Variants in DNAJC13 observed in about 807,000 individuals in gnomAD.
DNAJC13 encodes DnaJ heat shock protein family (Hsp40) member C13.
DNAJC13 carries 75 observed loss-of-function variants against 290.5 expected under a neutral mutation model. The ratio of observed to expected loss-of-function variants is 0.26; its 90% CI spans 0.21 to 0.31. The LOEUF (loss-of-function observed/expected upper bound fraction) is 0.31, where lower values mean the gene tolerates loss of function less well. Among genes scored for constraint, DNAJC13 ranks in the 10% least tolerant of loss-of-function variants. The probability of loss-of-function intolerance (pLI) is 1.00; values close to 1 mark genes in which losing one functional copy is unlikely to be tolerated. For missense variants in DNAJC13, 2,260 were observed against 2,674.5 expected (o/e 0.85, Z 3.42); for synonymous variants, 862 against 892.0 (o/e 0.97, Z 0.60).
chr3:132,422,893 A>G lies in DNAJC13; in HGVS notation c.-14+5133A>G, dbSNP rs114034783. Among the ~76,000 whole-genome samples, 694 of 152,360 alleles carry G rather than the reference A, an allele frequency of 4.6e-3. 3 individuals are homozygous for G. Among genetic ancestry groups the G allele is most frequent in the Admixed American group, 7.1e-3 (108 of 15,310 alleles). On this transcript the variant is annotated intron_variant, in intron 1 of 55. Coordinates refer to ENST00000260818, the MANE Select transcript of DNAJC13 (RefSeq NM_015268.4). ...GTTTAAGCACTCAAGTTGCCCTTAGAAGAACACTGCCTAGTCACATATTTA... is the reference window on the plus strand; with the variant it reads ...GTTTAAGCACTCAAGTTGCCCTTAGGAGAACACTGCCTAGTCACATATTTA...
At chr3:132,536,928 CTG>C (rs1263905646) in intron 55 of DNAJC13, among the ~76,000 whole-genome samples, 95 of 152,292 alleles carry the variant, frequency 6.2e-4, no homozygotes, top group Non-Finnish European at 1.3e-3. Context: ...CCTGGGCACT[CTG>C]GTTGGCTTCA....
chr3:132,530,856 T>A, intron 54 of DNAJC13, 142 bp from the exon 55 acceptor site: 2 of 646,082 alleles, frequency 3.1e-6, no homozygotes, highest in South Asian at 1.9e-5. Flanking sequence ...ATGGAGTGTT[T>A]GATGAATGCT....
At chr3:132,510,945 T>C in intron 43 of DNAJC13, 122 bp from the exon 44 acceptor site, 1 of 1,066,774 alleles carries the variant, frequency 9.4e-7, no homozygotes, top group Non-Finnish European at 1.4e-6. Context: ...CATAGGTGTA[T>C]TCATGTGTAT....
At chr3:132,487,613 T>C (rs560979227) in intron 29 of DNAJC13, among the ~76,000 whole-genome samples, 24 of 149,268 alleles carry the variant, frequency 1.6e-4, no homozygotes, top group Middle Eastern at 6.8e-3. Flanking sequence ...TGAGGATTCA[T>C]TGGAAGCAAG....
At chr3:132,493,975 A>G (rs1020013627) in intron 33 of DNAJC13, among the ~76,000 whole-genome samples, 169 bp from the exon 34 acceptor site, 1 of 152,206 alleles carries the variant, frequency 6.6e-6, no homozygotes, top group Non-Finnish European at 1.5e-5. Flanking sequence ...GCTCTGCCCA[A>G]CTATACAGCA....
chr3:132,462,085 G>T (rs1227777838), intron 15 of DNAJC13, among the ~76,000 whole-genome samples: 1 of 152,078 alleles, frequency 6.6e-6, no homozygotes, highest in African/African-American at 2.4e-5. Context: ...AGCTTTAGCA[G>T]GGCTCTTCAT....
intron 1 of DNAJC13, among the ~76,000 whole-genome samples, chr3:132,425,209 C>G (rs941410517): frequency 1.3e-5 from 2 of 152,104 alleles, no homozygotes; most frequent in African/African-American, 4.8e-5. Flanking sequence ...CCATGGTTCT[C>G]CTTACTACCC....
At chr3:132,419,668 T>G (rs987334314) in intron 1 of DNAJC13, among the ~76,000 whole-genome samples, 1 of 152,238 alleles carries the variant, frequency 6.6e-6, no homozygotes, top group Non-Finnish European at 1.5e-5. Flanking sequence ...TTCCCCTGCT[T>G]CTGATTGAGG....
rs78689169 is a variant in DNAJC13 at position 132,532,912 on chromosome 3, A to AATTATT, written c.6625+1834_6625+1839dup. Among the ~76,000 whole-genome samples the AATTATT allele has an allele frequency of 1.3e-3, 187 of 141,836 alleles. 1 individual carries two copies. The highest frequency in any genetic ancestry group is 3.9e-3 in the African/African-American group (145 of 37,014). 93.0% of individuals were successfully genotyped at this position (141,836 alleles called of 152,430 possible). On this transcript the variant is annotated intron_variant, in intron 55 of 55. Transcript: ENST00000260818. ...ACCACCACACCCAGCTAATTTTTGT[A>AATTATT]ATTATTATTATTATTATTATTATTT...
chr3:132,493,671 T>C (rs1385024761), intron 33 of DNAJC13, among the ~76,000 whole-genome samples: 1 of 152,148 alleles, frequency 6.6e-6, no homozygotes, highest in Non-Finnish European at 1.5e-5. Flanking sequence ...GTTACATTTG[T>C]TTGAATGCTA....
intron 42 of DNAJC13, 105 bp downstream of exon 42, chr3:132,505,520 G>A: frequency 1.3e-6 from 1 of 745,918 alleles, no homozygotes; most frequent in East Asian, 2.7e-5. Context: ...TCACTTTAGT[G>A]TCAGTCAGTA....
intron 2 of DNAJC13, among the ~76,000 whole-genome samples, chr3:132,435,936 C>T (rs987780739): frequency 1.3e-5 from 2 of 152,136 alleles, no homozygotes; most frequent in African/African-American, 4.8e-5. Flanking sequence ...GTGACTAAGA[C>T]TTAACTATCC....
rs561358024 is a variant in DNAJC13 at position 132,443,026 on chromosome 3, G to A, written c.69-3449G>A. Among the ~76,000 whole-genome samples, 4 of 152,302 alleles carry A rather than the reference G, an allele frequency of 2.6e-5. No individual in the cohort carries two copies. In the South Asian group the frequency reaches 6.2e-4, roughly 24 times the overall value. On this transcript the variant is annotated intron_variant, in intron 2 of 55. Transcript: ENST00000260818. ...ATCTAGCTATTAAGCATTTATTGGGGTATCTACTGTAGTCAATGCTGGGTA... is the reference window on the plus strand; with the variant it reads ...ATCTAGCTATTAAGCATTTATTGGGATATCTACTGTAGTCAATGCTGGGTA...
chr3:132,478,328 T>G (rs975568310), intron 24 of DNAJC13, among the ~76,000 whole-genome samples, 188 bp downstream of exon 24: 1 of 152,152 alleles, frequency 6.6e-6, no homozygotes, highest in African/African-American at 2.4e-5. Context: ...GGTTAGAATT[T>G]GTCCATGTCA....
intron 17 of DNAJC13, among the ~76,000 whole-genome samples, chr3:132,464,901 G>T (rs1933923639): frequency 6.6e-6 from 1 of 152,062 alleles, no homozygotes; most frequent in South Asian, 2.1e-4. Flanking sequence ...AATTCCAAAA[G>T]GTTAGTAATA....
At chr3:132,434,772 A>AT (rs956068012) in intron 2 of DNAJC13, among the ~76,000 whole-genome samples, 154 bp downstream of exon 2, 73 of 151,654 alleles carry the variant, frequency 4.8e-4, no homozygotes, top group African/African-American at 1.7e-3. Context: ...TGCTACATGT[A>AT]TTTTTTTTTC....
intron 19 of DNAJC13, 120 bp downstream of exon 19, chr3:132,466,514 A>G (rs1437449171): frequency 2.1e-5 from 14 of 681,426 alleles, no homozygotes; most frequent in South Asian, 4.2e-5. Flanking sequence ...TGAATAGTAT[A>G]CTTAACTATT....
At chr3:132,463,579 A>G in intron 16 of DNAJC13, 117 bp from the exon 17 acceptor site, 1 of 1,213,392 alleles carries the variant, frequency 8.2e-7, no homozygotes, top group South Asian at 1.9e-5. Flanking sequence ...GCATTTTAAA[A>G]ACTTCTATTA....
intron 2 of DNAJC13, 140 bp from the exon 3 acceptor site, chr3:132,446,335 T>G (rs1933242187): frequency 3.5e-6 from 2 of 577,274 alleles, no homozygotes; most frequent in East Asian, 6.3e-5. Flanking sequence ...GGTGAGAATA[T>G]ATAACTAAGC....
Sources: gnomAD v4.1 joint callset for allele counts (sites outside exome capture counted in the v4.1 genomes callset) on GRCh38, gnomAD v4.1.1 for gene constraint, MANE v1.5 for transcripts, NCBI Gene and HGNC (gene_info 2026-07-23, HGNC 2026-07-21) for gene names.